The following GNRHR variants were observed in gnomAD, a reference collection of about 807,000 sequenced individuals.
The protein encoded by GNRHR is gonadotropin-releasing hormone receptor.
A neutral mutation model predicts 28.1 loss-of-function variants in GNRHR; 14 were observed. That is an observed-to-expected ratio of 0.50 (90% CI 0.33 to 0.78). The LOEUF (loss-of-function observed/expected upper bound fraction) is 0.78. GNRHR is among the 30% of genes least tolerant of loss of function. The probability of loss-of-function intolerance (pLI) is 0.02; values close to 1 mark genes in which losing one functional copy is unlikely to be tolerated. For synonymous variants in GNRHR, 141 were observed against 140.5 expected, an observed-to-expected ratio of 1.00 and a Z score of -0.02; for missense variants, 366 against 382.1, an observed-to-expected ratio of 0.96 and a Z score of 0.35.
intron 1 of GNRHR, 154 bp downstream of exon 1, chr4:67,753,660 A>G (rs1731910401): frequency 1.5e-6 from 1 of 681,006 alleles, no homozygotes. Flanking sequence ...GCCCAAGGTA[A>G]CAGAACAGAG....
At chr4:67,747,951 G>A (rs9998127) in intron 1 of GNRHR, among the ~76,000 whole-genome samples, 1,686 of 151,916 alleles carry the variant, frequency 0.011, 23 homozygotes, top group Non-Finnish European at 0.01. Context: ...TCTTAGTTCC[G>A]TTTATTTTGT....
At chr4:67,752,360 G>T (rs6845123) in intron 1 of GNRHR, among the ~76,000 whole-genome samples, 137,346 of 151,868 alleles carry the variant, frequency 0.9, 63,682 homozygotes, top group East Asian at 1. Context: ...CACAGGTGCG[G>T]GTCATCATGA....
At chr4:67,749,017 G>A (rs976869947) in intron 1 of GNRHR, among the ~76,000 whole-genome samples, 2 of 152,044 alleles carry the variant, frequency 1.3e-5, no homozygotes, top group Non-Finnish European at 2.9e-5. Context: ...TGTGAACCTA[G>A]CATGTAAAAG....
Position 67,744,792 on chromosome 4 carries a change from A to G in GNRHR, c.523-5T>C. On this transcript the variant is annotated splice_polypyrimidine_tract_variant and splice_region_variant and intron_variant, in intron 1 of 2. Coordinates refer to ENST00000226413, the MANE Select transcript of GNRHR (RefSeq NM_000406.3). Reference sequence around the variant, plus strand: ...AATCATCCTGAAGATGTATAACTGTATGAGACAATAAAAAGCTATGTTACT... The same window carrying G: ...AATCATCCTGAAGATGTATAACTGTGTGAGACAATAAAAAGCTATGTTACT... 2.7e-6 allele frequency: 4 copies of G among 1,473,526 alleles called. No individual in the cohort carries two copies. Among genetic ancestry groups the G allele is most frequent in the Non-Finnish European group, 3.8e-6 (4 of 1,051,896 alleles). 91.3% of individuals were successfully genotyped at this position (1,473,526 alleles called of 1,614,324 possible). A position where few individuals can be genotyped will look rare whatever the true frequency, so the allele number is the denominator to read the frequency against.
chr4:67,740,033 A>G lies in GNRHR; in HGVS notation c.*447T>C, dbSNP rs775879571. ...GGGCAAAGGGCTCTGTGCTCTATGT[A>G]TTATATAGCATACAACTCTAATTGC... On this transcript the variant is annotated 3_prime_UTR_variant, in exon 3 of 3. Coordinates refer to ENST00000226413, the MANE Select transcript of GNRHR (RefSeq NM_000406.3). 1 of 169,748 alleles carries G rather than the reference A, an allele frequency of 5.9e-6. No individual in the cohort carries two copies. Among genetic ancestry groups the G allele is most frequent in the Non-Finnish European group, 1.3e-5 (1 of 78,446 alleles). 10.5% of individuals were successfully genotyped at this position (169,748 alleles called of 1,614,324 possible).
chr4:67,748,040 ATTTC>A (rs1241632401), intron 1 of GNRHR, among the ~76,000 whole-genome samples: 1 of 152,010 alleles, frequency 6.6e-6, no homozygotes, highest in African/African-American at 2.4e-5. Flanking sequence ...CTTGGATTAT[ATTTC>A]TTTAATTTTG....
intron 2 of GNRHR, among the ~76,000 whole-genome samples, chr4:67,744,069 G>A (rs757025096): frequency 1.5e-4 from 23 of 151,728 alleles, no homozygotes; most frequent in Non-Finnish European, 3.2e-4. Flanking sequence ...ACAAACACAT[G>A]TGTGAAGTTT....
intron 1 of GNRHR, among the ~76,000 whole-genome samples, chr4:67,748,612 A>G (rs901096087): frequency 4.6e-5 from 7 of 152,024 alleles, no homozygotes; most frequent in Non-Finnish European, 1.0e-4. Context: ...GGTAGAGTGT[A>G]GTAGTTAAAA....
At position 67,744,572 on chromosome 4, in the gene GNRHR, G is replaced by C. The variant is rs1358648767; in HGVS notation, c.738C>G (p.Pro246=). 6.4e-7 allele frequency: 1 copy of C among 1,554,580 alleles called. No individual in the cohort carries two copies. The highest frequency in any genetic ancestry group is 8.9e-7 in the Non-Finnish European group (1 of 1,125,750). Residue 246 remains proline (P), a synonymous_variant, in exon 2 of 3, where the codon CCC becomes CCG. Transcript: ENST00000226413. ...CTAACTCTAAGGAATACATACCGTG[G>C]GGGTCCTGATGAAGGACCCGTGTCA... ...FTLTRVLHQD[P]HELQLNQSKN...
intron 2 of GNRHR, 122 bp downstream of exon 2, chr4:67,744,446 A>T: frequency 1.4e-6 from 1 of 698,984 alleles, no homozygotes; most frequent in East Asian, 2.7e-5. Context: ...TGTGAATATT[A>T]AATGAGCTAA....
intron 1 of GNRHR, among the ~76,000 whole-genome samples, chr4:67,750,471 T>C (rs1034755487): frequency 6.6e-6 from 1 of 152,174 alleles, no homozygotes; most frequent in Non-Finnish European, 1.5e-5. Context: ...TGATATAGAA[T>C]TTTTTAAAAA....
chr4:67,742,736 T>C (rs1223449137), intron 2 of GNRHR, among the ~76,000 whole-genome samples: 2 of 152,154 alleles, frequency 1.3e-5, no homozygotes, highest in African/African-American at 2.4e-5. Flanking sequence ...AAACAGATAG[T>C]GCTATTCAGA....
intron 1 of GNRHR, among the ~76,000 whole-genome samples, chr4:67,748,505 C>A (rs17636089): frequency 0.22 from 33,700 of 151,792 alleles, 4,061 homozygotes; most frequent in Middle Eastern, 0.3. Context: ...TTTTAAGCAT[C>A]AGTTTTCACT....
At chr4:67,750,647 C>G (rs894386396) in intron 1 of GNRHR, among the ~76,000 whole-genome samples, 1 of 151,192 alleles carries the variant, frequency 6.6e-6, no homozygotes, top group African/African-American at 2.4e-5. Context: ...TGAGCTGAGG[C>G]AAAATGTCAT....
chr4:67,744,520 C>T (rs774328351), intron 2 of GNRHR, 48 bp downstream of exon 2: 13 of 1,058,846 alleles, frequency 1.2e-5, no homozygotes, highest in Middle Eastern at 2.0e-4. Flanking sequence ...TTGAGCATTG[C>T]TATTTAAAAA....
intron 1 of GNRHR, among the ~76,000 whole-genome samples, chr4:67,751,042 C>T (rs143934786): frequency 9.5e-4 from 144 of 152,238 alleles, no homozygotes; most frequent in African/African-American, 3.3e-3. Flanking sequence ...CAACAGAGCA[C>T]GTGACACTGG....
rs1167572466 is a variant in GNRHR at position 67,738,950 on chromosome 4, G to A, written c.*1530C>T. On this transcript the variant is annotated 3_prime_UTR_variant, in exon 3 of 3. Transcript: ENST00000226413. Reference sequence around the variant, plus strand: ...ACTATAAAACTGAAGTATGAGAGGAGAAAATCAAAGAAAGAAAGGACGTGC... The same window carrying A: ...ACTATAAAACTGAAGTATGAGAGGAAAAAATCAAAGAAAGAAAGGACGTGC... 6.6e-6 allele frequency among the ~76,000 whole-genome samples: 1 copy of A among 151,858 alleles called. No homozygotes were observed. The highest frequency in any genetic ancestry group is 1.5e-5 in the Non-Finnish European group (1 of 67,868).
intron 1 of GNRHR, among the ~76,000 whole-genome samples, chr4:67,747,080 TAA>T (rs796885908): frequency 6.6e-4 from 100 of 152,276 alleles, no homozygotes; most frequent in African/African-American, 2.2e-3. Context: ...GGCTGTGAGT[TAA>T]AGTCTTTGGA....
intron 2 of GNRHR, among the ~76,000 whole-genome samples, chr4:67,743,651 T>G (rs1731703373): frequency 6.6e-6 from 1 of 152,230 alleles, no homozygotes; most frequent in Non-Finnish European, 1.5e-5. Context: ...CTGCTCATAT[T>G]TCTTCAGATT....
Sources: gnomAD v4.1 joint callset for allele counts (sites outside exome capture counted in the v4.1 genomes callset) on GRCh38, gnomAD v4.1.1 for gene constraint, MANE v1.5 for transcripts, NCBI Gene and HGNC (gene_info 2026-07-23, HGNC 2026-07-21) for gene names.